The following COCH variants were observed in gnomAD, a reference collection of about 807,000 sequenced individuals.
The protein encoded by COCH is coagulation factor C homolog, cochlin (Limulus polyphemus).
Under a neutral mutation model 54.8 loss-of-function variants are expected in COCH, and 40 were observed. That is an observed-to-expected ratio of 0.73 (90% CI 0.57 to 0.95). COCH has a LOEUF of 0.95. Among genes scored for constraint, COCH ranks in the 40% least tolerant of loss-of-function variants. The pLI, the probability that COCH is intolerant of heterozygous loss-of-function variation, is 0.00. For synonymous variants in COCH, 256 were observed against 237.9 expected (o/e 1.08, Z -0.70); for missense variants, 605 against 675.0 (o/e 0.90, Z 1.15).
downstream of COCH, chr14:30,895,095 A>G (rs546253394): frequency 0.014 from 3,028 of 221,534 alleles, 134 homozygotes; most frequent in African/African-American, 0.076. Context: ...AGAAGAAGAG[A>G]AAAAAAAAAA....
chr14:30,877,789 T>C lies in COCH; in HGVS notation c.239+61T>C. 6.2e-7 allele frequency: 1 copy of C among 1,609,010 alleles called. No individual in the cohort carries two copies. Among genetic ancestry groups the C allele is most frequent in the South Asian group, 1.1e-5 (1 of 90,782 alleles). ...AGACGTGATTATTTCCTTTCCTGCT[T>C]TACCCATCTGGATCCCTTTCCTCCC... On this transcript the variant is annotated intron_variant, in intron 4 of 11. Coordinates refer to ENST00000396618, the MANE Select transcript of COCH (RefSeq NM_004086.3). This position sits in a 1 kb window ranked among gnomAD's most constrained non-coding sequence, Gnocchi z 8.6.
downstream of COCH, chr14:30,894,051 G>A (rs1286098078): frequency 2.6e-5 from 4 of 152,326 alleles, no homozygotes; most frequent in Non-Finnish European, 4.4e-5. Context: ...AAAGTTTCTC[G>A]GAAGACTAGA....
At chr14:30,890,901 G>A (rs1895961043), downstream of COCH, among the ~76,000 whole-genome samples, 1 of 151,860 alleles carries the variant, frequency 6.6e-6, no homozygotes, top group Non-Finnish European at 1.5e-5. Flanking sequence ...TAGCCGGGTG[G>A]GATGGTGCAT....
chr14:30,890,758 C>T (rs556711010), downstream of COCH: 1 of 216,528 alleles, frequency 4.6e-6, no homozygotes, highest in Non-Finnish European at 7.9e-6. Flanking sequence ...TTTATTGAGG[C>T]CAAGCACAGT....
chr14:30,886,383 A>C (rs1895793942), intron 11 of COCH, 71 bp downstream of exon 11: 1 of 1,518,046 alleles, frequency 6.6e-7, no homozygotes, highest in Non-Finnish European at 9.1e-7. Flanking sequence ...GTAAATAAAA[A>C]TTTAAGCATT....
At chr14:30,885,334 A>C (rs1895748137) in intron 9 of COCH, 60 bp from the exon 10 acceptor site, 9 of 1,383,354 alleles carry the variant, frequency 6.5e-6, no homozygotes, top group Non-Finnish European at 9.3e-6. Context: ...GCTACAGGGA[A>C]ACAGAAATGT....
chr14:30,881,752 AT>A (rs1895594272), intron 8 of COCH, among the ~76,000 whole-genome samples: 1 of 151,856 alleles, frequency 6.6e-6, no homozygotes, highest in Non-Finnish European at 1.5e-5. Context: ...GGGTCAGGAG[AT>A]TGAGACCATC....
chr14:30,884,950 A>C (rs755693249), intron 9 of COCH: 3 of 1,598,258 alleles, frequency 1.9e-6, no homozygotes, highest in African/African-American at 1.3e-5. Context: ...TGCTAAAAAG[A>C]AGTGAAAATC....
At position 30,885,738 on chromosome 14, in the gene COCH, T is replaced by C. The variant is rs879468608; in HGVS notation, c.961-58T>C. 7 of 1,603,644 alleles carry C rather than the reference T, an allele frequency of 4.4e-6. No individual in the cohort carries two copies. The South Asian group carries it at 4.4e-5, about 10-fold the overall frequency. On this transcript the variant is annotated intron_variant, in intron 10 of 11. Transcript: ENST00000396618. Reference sequence around the variant, plus strand: ...TTGAAACATTCAGGATTTTCCAGTTTTTAAGAAGAAACAACTTTTGATCCT... The same window carrying C: ...TTGAAACATTCAGGATTTTCCAGTTCTTAAGAAGAAACAACTTTTGATCCT...
chr14:30,887,811 C>T (rs1028428102), intron 11 of COCH, among the ~76,000 whole-genome samples: 4 of 152,206 alleles, frequency 2.6e-5, no homozygotes, highest in Non-Finnish European at 5.9e-5. Context: ...TTAAGTTCCA[C>T]ATCTAGCTTG....
At position 30,884,666 on chromosome 14, in the gene COCH, C is replaced by CT. The variant is rs753416015; in HGVS notation, c.733+13dup. 2 of 1,550,758 alleles carry CT rather than the reference C, an allele frequency of 1.3e-6. No individual in the cohort carries two copies. The highest frequency in any genetic ancestry group is 2.2e-5 in the South Asian group (2 of 89,820). On this transcript the variant is annotated intron_variant, in intron 9 of 11. Coordinates refer to ENST00000396618, the MANE Select transcript of COCH (RefSeq NM_004086.3). ...GGTAATTCCAATACAGGTAAGTAGA[C>CT]TTTGATACCTGGGATGTAACATAGG...
chr14:30,889,495 C>A (rs566753701), intron 11 of COCH, 121 bp from the exon 12 acceptor site: 2 of 860,070 alleles, frequency 2.3e-6, no homozygotes, highest in East Asian at 2.6e-5. Flanking sequence ...ATTTAATTGT[C>A]CAGAAATTAG....
At position 30,875,572 on chromosome 14, in the gene COCH, C is replaced by T. The variant is rs1895329351; in HGVS notation, c.82+469C>T. ...CGTCGCTGTCCCACCTTGTTTGACT[C>T]GCTAGCTATGTTTCTAGGTGTAACC... On this transcript the variant is annotated intron_variant, in intron 3 of 11. Transcript: ENST00000396618. 4 of 464,324 alleles carry T rather than the reference C, an allele frequency of 8.6e-6. No homozygotes were observed. The East Asian group carries it at 1.4e-4, about 16-fold the overall frequency. 28.8% of individuals were successfully genotyped at this position (464,324 alleles called of 1,614,324 possible).
rs963387498 is a variant in COCH at position 30,884,670 on chromosome 14, G to C, written c.733+14G>C. The C allele has an allele frequency of 6.5e-7, 1 of 1,534,014 alleles. No individual in the cohort carries two copies. Among genetic ancestry groups the C allele is most frequent in the Non-Finnish European group, 9.0e-7 (1 of 1,107,238 alleles). On this transcript the variant is annotated intron_variant, in intron 9 of 11. Coordinates refer to ENST00000396618, the MANE Select transcript of COCH (RefSeq NM_004086.3). ...ATTCCAATACAGGTAAGTAGACTTT[G>C]ATACCTGGGATGTAACATAGGAGAG...
chr14:30,877,754 A>G lies in COCH; in HGVS notation c.239+26A>G. 2 of 1,613,940 alleles carry G rather than the reference A, an allele frequency of 1.2e-6. No individual in the cohort carries two copies. The highest frequency in any genetic ancestry group is 1.7e-4 in the Middle Eastern group (1 of 5,940). ...GTAAGCCCAAACACACCAGGGTGGG[A>G]GAGAAATGCAGACGTGATTATTTCC... On this transcript the variant is annotated intron_variant, in intron 4 of 11. Coordinates refer to ENST00000396618, the MANE Select transcript of COCH (RefSeq NM_004086.3). The surrounding 1 kb of genome is among the most constrained non-coding windows in gnomAD (Gnocchi z 8.6).
intron 6 of COCH, among the ~76,000 whole-genome samples, chr14:30,879,802 C>T (rs1481115081): frequency 6.6e-6 from 1 of 152,030 alleles, no homozygotes; most frequent in East Asian, 1.9e-4. Context: ...TGCCACCACA[C>T]CCAGCCAATT....
chr14:30,885,015 T>A, intron 9 of COCH: 1 of 1,598,358 alleles, frequency 6.3e-7, no homozygotes, highest in South Asian at 1.1e-5. Flanking sequence ...AGCACTACCG[T>A]TGACTCTGAA....
intron 5 of COCH, 78 bp from the exon 6 acceptor site, chr14:30,879,345 A>C: frequency 2.2e-6 from 3 of 1,363,802 alleles, no homozygotes; most frequent in Non-Finnish European, 2.1e-6. Context: ...TTGTCATTGT[A>C]GAGAGCTCTA....
chr14:30,895,319 T>G, downstream of COCH: 1 of 1,320,616 alleles, frequency 7.6e-7, no homozygotes, highest in Non-Finnish European at 1.0e-6. Context: ...GCAGATCACA[T>G]GTAGTGTCAT....
Sources: allele counts gnomAD v4.1 joint callset (sites outside exome capture counted in the v4.1 genomes callset), GRCh38; gene constraint gnomAD v4.1.1; non-coding constraint Gnocchi (gnomAD v3.1); transcripts MANE v1.5; gene names NCBI Gene and HGNC (gene_info 2026-07-23, HGNC 2026-07-21).